The following UGT2B7 variants were observed in gnomAD, a reference collection of about 807,000 sequenced individuals.
The protein encoded by UGT2B7 is UDP-glucuronosyltransferase 2B7.
UGT2B7 carries 51 observed loss-of-function variants against 51.9 expected under a neutral mutation model. That is an observed-to-expected ratio of 0.98 (90% CI 0.78 to 1.24). The LOEUF is 1.24. Among genes scored for constraint, UGT2B7 ranks in the 50% most tolerant of loss-of-function variants. The pLI is 0.00. For missense variants in UGT2B7, 727 were observed against 628.4 expected (o/e 1.16, Z -1.68); for synonymous variants, 225 against 211.6 (o/e 1.06, Z -0.55).
chr4:69,112,450 C>A lies in UGT2B7; in HGVS notation c.1311-7C>A. 1 of 1,609,954 alleles carries A rather than the reference C, an allele frequency of 6.2e-7. No homozygotes were observed. The highest frequency in any genetic ancestry group is 8.5e-7 in the Non-Finnish European group (1 of 1,178,366). On this transcript the variant is annotated splice_region_variant and splice_polypyrimidine_tract_variant and intron_variant, in intron 5 of 5. Transcript: ENST00000305231. Reference sequence around the variant, plus strand: ...GCTACATTACTGTCTTTATTTTTATCTTTCAGATATAAAGAGAATGTTATG... The same window carrying A: ...GCTACATTACTGTCTTTATTTTTATATTTCAGATATAAAGAGAATGTTATG...
intron 2 of UGT2B7, among the ~76,000 whole-genome samples, chr4:69,090,908 A>G (rs574241792): frequency 6.6e-5 from 10 of 152,296 alleles, no homozygotes; most frequent in Non-Finnish European, 1.3e-4. Flanking sequence ...ATCCAAATCC[A>G]TAGTATGACA....
At chr4:69,057,714 G>A (rs1273405155) in intron 1 of UGT2B7, among the ~76,000 whole-genome samples, 1 of 152,170 alleles carries the variant, frequency 6.6e-6, no homozygotes, top group East Asian at 1.9e-4. Context: ...TGTTGTAACT[G>A]GCAGGAAATG....
At chr4:69,071,460 A>G (rs1482195258) in intron 1 of UGT2B7, among the ~76,000 whole-genome samples, 1 of 152,178 alleles carries the variant, frequency 6.6e-6, no homozygotes, top group Non-Finnish European at 1.5e-5. Context: ...CAATACCTAC[A>G]TTCAAATATT....
chr4:69,107,360 A>G lies in UGT2B7; in HGVS notation c.1090+98A>G. The G allele has an allele frequency of 2.3e-6, 3 of 1,324,758 alleles. No individual in the cohort carries two copies. The South Asian group carries it at 4.2e-5, about 19-fold the overall frequency. 82.1% of individuals were successfully genotyped at this position (1,324,758 alleles called of 1,614,324 possible). A position where few individuals can be genotyped will look rare whatever the true frequency, so the allele number is the denominator to read the frequency against. On this transcript the variant is annotated intron_variant, in intron 4 of 5. Transcript: ENST00000305231. ...CAAGCTTATTGAATATTTGTTAAGGAAAAACAAAATGTAACTTCTTTATAT... is the reference window on the plus strand; with the variant it reads ...CAAGCTTATTGAATATTTGTTAAGGGAAAACAAAATGTAACTTCTTTATAT...
At chr4:69,104,776 G>A (rs1351618188) in intron 3 of UGT2B7, among the ~76,000 whole-genome samples, 1 of 152,094 alleles carries the variant, frequency 6.6e-6, no homozygotes, top group East Asian at 1.9e-4. Context: ...CACTACAGGT[G>A]TTATCAGAAA....
rs911260359 is a variant in UGT2B7, at chr4:69,056,643, A to G, written c.-159+5041A>G. On this transcript the variant is annotated intron_variant, in intron 1 of 5. Transcript: ENST00000502942. ...ATTTAAAACTCTTATAATAAGAGTA[A>G]TAATAGTAATTAAGAACCTACTTAC... Among the ~76,000 whole-genome samples the G allele has an allele frequency of 2.2e-4, 33 of 152,220 alleles. 1 individual carries two copies. The highest frequency in any genetic ancestry group is 7.7e-4 in the African/African-American group (32 of 41,446).
At chr4:69,086,283 T>G (rs1050059053) in intron 1 of UGT2B7, among the ~76,000 whole-genome samples, 1 of 151,900 alleles carries the variant, frequency 6.6e-6, no homozygotes, top group African/African-American at 2.4e-5. Context: ...TATGTATAGT[T>G]GTACATGTTC....
chr4:69,073,992 A>G (rs1718652318), intron 1 of UGT2B7, among the ~76,000 whole-genome samples: 1 of 151,918 alleles, frequency 6.6e-6, no homozygotes, highest in East Asian at 1.9e-4. Flanking sequence ...ACCTCATCCC[A>G]TTCTTGTTTT....
upstream of UGT2B7, among the ~76,000 whole-genome samples, chr4:69,093,572 A>C (rs989285452): frequency 2.6e-5 from 4 of 152,162 alleles, no homozygotes; most frequent in Admixed American, 2.6e-4. Context: ...CCTGAAAGCC[A>C]GAGTATCTAA....
chr4:69,096,599 C>T lies in UGT2B7; in HGVS notation c.79C>T (p.Leu27=), dbSNP rs751545826. 2 of 1,613,970 alleles carry T rather than the reference C, an allele frequency of 1.2e-6. No homozygotes were observed. The highest frequency in any genetic ancestry group is 1.1e-5 in the South Asian group (1 of 91,080). Residue 27 remains leucine, a synonymous_variant, in exon 1 of 6, where the codon CTG becomes TTG. Transcript: ENST00000305231. ...TAGCTCTGGGAATTGTGGAAAGGTG[C>T]TGGTGTGGGCAGCAGAATACAGCCA... ...CFSSGNCGKV[L]VWAAEYSHWM...
intron 1 of UGT2B7, among the ~76,000 whole-genome samples, chr4:69,077,742 C>G (rs1180740767): frequency 6.6e-6 from 1 of 152,156 alleles, no homozygotes; most frequent in Non-Finnish European, 1.5e-5. Flanking sequence ...AATTTGACTT[C>G]CTCTTTTCCT....
chr4:69,080,839 T>G (rs1456689611), intron 1 of UGT2B7, among the ~76,000 whole-genome samples: 1 of 152,192 alleles, frequency 6.6e-6, no homozygotes, highest in South Asian at 2.1e-4. Context: ...TATTTAAATA[T>G]AAACGTGAGC....
At position 69,096,486 on chromosome 4, in the gene UGT2B7, C is replaced by G. The variant is rs749542247; in HGVS notation, c.-35C>G. On this transcript the variant is annotated 5_prime_UTR_variant, in exon 1 of 6. Coordinates refer to ENST00000305231, the MANE Select transcript of UGT2B7 (RefSeq NM_001074.4). The stretch of plus-strand genomic sequence containing the variant: ...AACCATGAGAAATGACAGAAAGGAA[C>G]AGCAACTGGAAAACAAGCATTGCAT... 2.5e-6 allele frequency: 4 copies of G among 1,610,778 alleles called. No homozygotes were observed. The highest frequency in any genetic ancestry group is 3.4e-6 in the Non-Finnish European group (4 of 1,179,034).
At chr4:69,077,121 T>C (rs910783590) in intron 1 of UGT2B7, among the ~76,000 whole-genome samples, 5 of 152,166 alleles carry the variant, frequency 3.3e-5, no homozygotes, top group African/African-American at 1.2e-4. Context: ...GAGGTCTCTG[T>C]TCTGTTCCAT....
intron 5 of UGT2B7, among the ~76,000 whole-genome samples, chr4:69,110,745 AAG>A (rs1462533386): frequency 6.6e-6 from 1 of 152,136 alleles, no homozygotes. Context: ...GGTTCAGAAA[AAG>A]AGAGTTATTC....
upstream of UGT2B7, among the ~76,000 whole-genome samples, chr4:69,092,151 G>C (rs1719099679): frequency 6.6e-6 from 1 of 151,982 alleles, no homozygotes; most frequent in Non-Finnish European, 1.5e-5. Flanking sequence ...TGTTACCCAG[G>C]CTGGTCTCAA....
chr4:69,108,288 C>A lies in UGT2B7; in HGVS notation c.1276C>A (p.Leu426Met). ...CAACACAATGTCGAGTACAGACTTG[C>A]TGAATGCATTGAAGAGAGTAATTAA... ...DFNTMSSTDLLNALKRVINDP... is the reference protein window; with the variant it reads ...DFNTMSSTDLMNALKRVINDP... Residue 426 changes from leucine (L) to methionine (M), a missense_variant, in exon 5 of 6, where the codon CTG becomes ATG. Physicochemically the swap from Leu to Met is conservative, Grantham distance 15. Coordinates refer to ENST00000305231, the MANE Select transcript of UGT2B7 (RefSeq NM_001074.4). 1 of 1,613,496 alleles carries A rather than the reference C, an allele frequency of 6.2e-7. No homozygotes were observed. The highest frequency in any genetic ancestry group is 8.5e-7 in the Non-Finnish European group (1 of 1,179,572).
At chr4:69,052,112 G>T (rs1718034883) in intron 1 of UGT2B7, among the ~76,000 whole-genome samples, 1 of 152,132 alleles carries the variant, frequency 6.6e-6, no homozygotes, top group East Asian at 1.9e-4. Context: ...TTAGAGCTTT[G>T]TGTGAAATAG....
At chr4:69,077,580 C>T (rs141777932) in intron 1 of UGT2B7, among the ~76,000 whole-genome samples, 56,541 of 149,890 alleles carry the variant, frequency 0.38, 11,087 homozygotes, top group East Asian at 0.56. Context: ...ATTTGGCTCT[C>T]TTTTTTTTTA....
Sources: gnomAD v4.1 joint callset for allele counts (sites outside exome capture counted in the v4.1 genomes callset) on GRCh38, gnomAD v4.1.1 for gene constraint, MANE v1.5 for transcripts, NCBI Gene and HGNC (gene_info 2026-07-23, HGNC 2026-07-21) for gene names.